The following KIFC3 variants were observed in gnomAD, a reference collection of about 807,000 sequenced individuals.
KIFC3 encodes the protein kinesin-like protein KIFC3.
A neutral mutation model predicts 101.8 loss-of-function variants in KIFC3; 60 were observed. That is an observed-to-expected ratio of 0.59 (90% confidence interval 0.48 to 0.73). The LOEUF (loss-of-function observed/expected upper bound fraction) is 0.73, where lower values mean the gene tolerates loss of function less well. Ranked by LOEUF, KIFC3 falls within the 30% of genes least tolerant of loss-of-function variation. The pLI is 0.00. For missense variants in KIFC3, 966 were observed against 1,137.1 expected (o/e 0.85, Z 2.16); for synonymous variants, 476 against 482.7 (o/e 0.99, Z 0.18).
chr16:57,840,736 G>A (rs1434907767), intron 1 of KIFC3, among the ~76,000 whole-genome samples: 4 of 150,602 alleles, frequency 2.7e-5, no homozygotes, highest in African/African-American at 7.4e-5. Flanking sequence ...CTCCAGCCTG[G>A]GCAACAAGAG....
At chr16:57,772,043 TG>T (rs1416354035) in intron 4 of KIFC3, among the ~76,000 whole-genome samples, 179 bp downstream of exon 4, 2 of 151,914 alleles carry the variant, frequency 1.3e-5, no homozygotes, top group African/African-American at 4.8e-5. Flanking sequence ...TCCCACCCCC[TG>T]GAGCCACAAG....
exon 1 of KIFC3, chr16:57,862,743 G>A: frequency 7.8e-7 from 1 of 1,287,904 alleles, no homozygotes; most frequent in African/African-American, 1.5e-5. Flanking sequence ...CACTGCTCCG[G>A]GACACCAGCC....
chr16:57,824,794 G>T (rs1555630525), intron 1 of KIFC3, among the ~76,000 whole-genome samples: 2 of 152,124 alleles, frequency 1.3e-5, no homozygotes, highest in African/African-American at 4.8e-5. Flanking sequence ...GGCCAGCCCT[G>T]CACCCCCGGT....
At chr16:57,858,520 C>G (rs2056227092) in intron 1 of KIFC3, among the ~76,000 whole-genome samples, 2 of 152,182 alleles carry the variant, frequency 1.3e-5, no homozygotes. Context: ...CAGTGCACAT[C>G]ATGACAGCCA....
intron 1 of KIFC3, among the ~76,000 whole-genome samples, chr16:57,808,362 T>C (rs1555627306): frequency 6.6e-6 from 1 of 150,770 alleles, no homozygotes. Flanking sequence ...CCCACCATCC[T>C]CCAGAAGCCG....
chr16:57,847,595 C>A (rs2055960919), intron 1 of KIFC3, among the ~76,000 whole-genome samples: 1 of 152,002 alleles, frequency 6.6e-6, no homozygotes, highest in Admixed American at 6.6e-5. Flanking sequence ...GGAATTGACA[C>A]AAACACACAG....
intron 3 of KIFC3, among the ~76,000 whole-genome samples, chr16:57,787,673 C>T (rs936005008): frequency 1.6e-4 from 25 of 152,172 alleles, no homozygotes; most frequent in Non-Finnish European, 1.6e-4. Context: ...GATCGGCCTT[C>T]CTCTTCTCAG....
At chr16:57,784,028 A>G (rs2053048984) in intron 3 of KIFC3, among the ~76,000 whole-genome samples, 1 of 152,188 alleles carries the variant, frequency 6.6e-6, no homozygotes, top group Non-Finnish European at 1.5e-5. Flanking sequence ...TCAGCTCAAG[A>G]CGCCCAGGGA....
chr16:57,769,759 G>A lies in KIFC3; in HGVS notation c.1088-34C>T. 6.2e-7 allele frequency: 1 copy of A among 1,612,736 alleles called. No individual in the cohort carries two copies. Among genetic ancestry groups the A allele is most frequent in the Non-Finnish European group, 8.5e-7 (1 of 1,179,700 alleles). Reference sequence around the variant, plus strand: ...ACACTCGGGCTGTGAGGCGGGAGGGGATGAGGGGCCGCGGCGTGGGGCAGA... The same window carrying A: ...ACACTCGGGCTGTGAGGCGGGAGGGAATGAGGGGCCGCGGCGTGGGGCAGA... On this transcript the variant is annotated intron_variant, in intron 8 of 19. Coordinates refer to ENST00000445690, the MANE Select transcript of KIFC3 (RefSeq NM_001130100.2). This position sits in a 1 kb window ranked among gnomAD's most constrained non-coding sequence, Gnocchi z 4.3.
intron 3 of KIFC3, among the ~76,000 whole-genome samples, chr16:57,781,120 C>T (rs919793386): frequency 3.9e-5 from 6 of 152,062 alleles, no homozygotes; most frequent in South Asian, 2.1e-4. Flanking sequence ...GAGTTTGAGA[C>T]GTGCCTGGGC....
chr16:57,779,003 A>G (rs1487592229), intron 3 of KIFC3, among the ~76,000 whole-genome samples: 1 of 152,254 alleles, frequency 6.6e-6, no homozygotes, highest in Admixed American at 6.5e-5. Flanking sequence ...TGGTGCGGCC[A>G]CTATGGAAAA....
intron 1 of KIFC3, among the ~76,000 whole-genome samples, chr16:57,848,456 A>G (rs1187561382): frequency 2.0e-5 from 3 of 152,074 alleles, no homozygotes; most frequent in African/African-American, 7.2e-5. Flanking sequence ...GCCAGATCCC[A>G]TCTCTACAAA....
chr16:57,787,080 G>A (rs1555618091), intron 3 of KIFC3, among the ~76,000 whole-genome samples: 1 of 152,252 alleles, frequency 6.6e-6, no homozygotes, highest in African/African-American at 2.4e-5. Context: ...CCTGCGATCT[G>A]TTCTAGAGTG....
chr16:57,781,672 T>C (rs141228934), intron 3 of KIFC3, among the ~76,000 whole-genome samples: 1 of 152,290 alleles, frequency 6.6e-6, no homozygotes, highest in Non-Finnish European at 1.5e-5. Context: ...GTCCCAACAG[T>C]GATAATGGAG....
chr16:57,845,676 AACTC>A (rs2055903680), intron 1 of KIFC3, among the ~76,000 whole-genome samples: 1 of 152,002 alleles, frequency 6.6e-6, no homozygotes, highest in African/African-American at 2.4e-5. Context: ...TTAAAATCAC[AACTC>A]ACTCCTCATC....
At chr16:57,813,791 C>T (rs771160636) in intron 1 of KIFC3, 66 of 985,274 alleles carry the variant, frequency 6.7e-5, no homozygotes, top group East Asian at 1.1e-4. Context: ...ACCGGGGACT[C>T]GGGAGACTCA....
intron 1 of KIFC3, among the ~76,000 whole-genome samples, chr16:57,801,005 G>A (rs1212238023): frequency 6.6e-6 from 1 of 152,182 alleles, no homozygotes; most frequent in African/African-American, 2.4e-5. Context: ...TATAAAATGG[G>A]GAGAACACCA....
intron 1 of KIFC3, among the ~76,000 whole-genome samples, chr16:57,827,462 A>C (rs567043648): frequency 6.6e-6 from 1 of 152,398 alleles, no homozygotes; most frequent in African/African-American, 2.4e-5. Context: ...CCAGAGAGCC[A>C]GCCCATGCCT....
At chr16:57,760,166 G>C in intron 17 of KIFC3, 116 bp downstream of exon 17, 1 of 1,271,178 alleles carries the variant, frequency 7.9e-7, no homozygotes, top group Non-Finnish European at 1.1e-6. Flanking sequence ...ACCCAACTCC[G>C]GCAGCTTCCC....
Sources: allele counts gnomAD v4.1 joint callset (sites outside exome capture counted in the v4.1 genomes callset), GRCh38; gene constraint gnomAD v4.1.1; non-coding constraint Gnocchi (gnomAD v3.1); transcripts MANE v1.5; gene names NCBI Gene and HGNC (gene_info 2026-07-23, HGNC 2026-07-21).